Variants in CDH22 observed in about 807,000 individuals in gnomAD.
CDH22 encodes cadherin 22.
In CDH22, 30 loss-of-function variants were observed where a neutral mutation model predicts 58.4. The observed-to-expected ratio is 0.51, with a 90% CI of 0.38 to 0.70. The LOEUF (loss-of-function observed/expected upper bound fraction) is 0.70, where lower values mean the gene tolerates loss of function less well. Ranked by LOEUF, CDH22 falls within the 30% of genes least tolerant of loss-of-function variation. CDH22 has a pLI of 0.00. For missense variants in CDH22, 1,014 were observed against 1,233.9 expected, an observed-to-expected ratio of 0.82 and a Z score of 2.67; for synonymous variants, 513 against 558.2, an observed-to-expected ratio of 0.92 and a Z score of 1.14.
At chr20:46,208,320 G>T (rs979611697) in intron 7 of CDH22, among the ~76,000 whole-genome samples, 6 of 152,046 alleles carry the variant, frequency 3.9e-5, no homozygotes, top group Non-Finnish European at 7.4e-5. Context: ...AATACTTACA[G>T]CTCCCAGACC....
rs188012108 is a variant in CDH22, at chr20:46,253,057, G to C, written c.-399-1364C>G. 2.6e-5 allele frequency among the ~76,000 whole-genome samples: 4 copies of C among 152,334 alleles called. No individual in the cohort carries two copies. The East Asian group carries it at 7.7e-4, about 29-fold the overall frequency. Reference sequence around the variant, plus strand: ...GCAGGGGTGTGTGTTTGGGCAGATGGTGTGTAGTGGGTTGGGGTGGGAGGC... The same window carrying C: ...GCAGGGGTGTGTGTTTGGGCAGATGCTGTGTAGTGGGTTGGGGTGGGAGGC... On this transcript the variant is annotated intron_variant, in intron 1 of 11. Transcript: ENST00000537909.
intron 1 of CDH22, among the ~76,000 whole-genome samples, chr20:46,304,080 C>CATG: frequency 6.6e-6 from 1 of 152,238 alleles, no homozygotes; most frequent in East Asian, 1.9e-4. Flanking sequence ...TCCCACACTG[C>CATG]CGGCTGCATG....
chr20:46,174,976 C>G lies in CDH22; in HGVS notation c.2017G>C (p.Glu673Gln). ...TCGGTGTCCTGCTCGCCGCCGCCTT[C>G]GTCGTTGTATTTGATGACGTTGTCC... The part of the protein sequence containing the change: ...MRDNVIKYND[E>Q]GGGEQDTEAY... The change falls in exon 12 of 12, where the codon GAA becomes CAA. Residue 673 changes from glutamate to glutamine, a missense_variant. Glu to Gln is a conservative substitution (Grantham distance 29, BLOSUM62 2). Coordinates refer to ENST00000537909, the MANE Select transcript of CDH22 (RefSeq NM_021248.3). This position sits in a 1 kb window ranked among gnomAD's most constrained non-coding sequence, Gnocchi z 4.4. 6.2e-7 allele frequency: 1 copy of G among 1,605,768 alleles called. No individual in the cohort carries two copies. The highest frequency in any genetic ancestry group is 8.5e-7 in the Non-Finnish European group (1 of 1,179,446).
At chr20:46,187,160 C>T (rs2085832631) in intron 8 of CDH22, among the ~76,000 whole-genome samples, 1 of 152,006 alleles carries the variant, frequency 6.6e-6, no homozygotes, top group East Asian at 1.9e-4. Flanking sequence ...AACCTTGGCA[C>T]CATTGGCATT....
intron 2 of CDH22, among the ~76,000 whole-genome samples, chr20:46,248,486 C>A (rs1407947815): frequency 6.6e-6 from 1 of 152,138 alleles, no homozygotes; most frequent in Non-Finnish European, 1.5e-5. Context: ...GAAAATCAGG[C>A]TGGGGTTGAC....
rs74176860 is a variant in CDH22, at chr20:46,292,916, TTGTGTGTGTG to T, written c.-400+15329_-400+15338del. The stretch of plus-strand genomic sequence containing the variant: ...CTTCTAGAAGAGCACCAGCCACTGG[TTGTGTGTGTG>T]TGTGTGTGTGTGTGTGTGTGTGTGT... On this transcript the variant is annotated intron_variant, in intron 1 of 11. Coordinates refer to ENST00000537909, the MANE Select transcript of CDH22 (RefSeq NM_021248.3). 4.8e-4 allele frequency among the ~76,000 whole-genome samples: 69 copies of T among 143,922 alleles called. No homozygotes were observed. The East Asian group carries it at 8.8e-3, about 18-fold the overall frequency. The allele number at this position is 143,922 out of a possible 152,430, so 94.4% of individuals were successfully genotyped here.
At chr20:46,221,730 T>C (rs760280159) in intron 4 of CDH22, among the ~76,000 whole-genome samples, 2 of 152,138 alleles carry the variant, frequency 1.3e-5, no homozygotes, top group African/African-American at 4.8e-5. Context: ...CGGGGAGGAA[T>C]TGATAACATA....
At chr20:46,260,279 G>T (rs1331612449) in intron 1 of CDH22, among the ~76,000 whole-genome samples, 1 of 152,152 alleles carries the variant, frequency 6.6e-6, no homozygotes, top group Non-Finnish European at 1.5e-5. Context: ...AGGCCAAAGA[G>T]GCCTACTAAG....
At chr20:46,181,791 C>CTTTCTTTCTTTCTTTA (rs2085790758) in intron 10 of CDH22, among the ~76,000 whole-genome samples, 1 of 126,424 alleles carries the variant, frequency 7.9e-6, no homozygotes, top group Non-Finnish European at 1.6e-5. Flanking sequence ...TTCTTTCTTT[C>CTTTCTTTCTTTCTTTA]TTTTCTCTCT....
At chr20:46,263,759 C>T (rs536450685) in intron 1 of CDH22, among the ~76,000 whole-genome samples, 8 of 152,092 alleles carry the variant, frequency 5.3e-5, no homozygotes, top group South Asian at 2.1e-4. Flanking sequence ...CAGCTGAGGA[C>T]GGGCCTGGAG....
intron 4 of CDH22, among the ~76,000 whole-genome samples, chr20:46,221,280 CT>C (rs67025636): frequency 0.85 from 104,467 of 122,932 alleles, 44,186 homozygotes; most frequent in Middle Eastern, 0.91. Context: ...TTTTTTTTTT[CT>C]TTTTTTTTTT....
chr20:46,174,358 C>G lies in CDH22; in HGVS notation c.*148G>C, dbSNP rs3746822. 1.7e-6 allele frequency: 1 copy of G among 574,446 alleles called. No homozygotes were observed. The highest frequency in any genetic ancestry group is 3.4e-5 in the East Asian group (1 of 29,646). 35.6% of individuals were successfully genotyped at this position (574,446 alleles called of 1,614,324 possible). ...CTAGAGGAGGAGGAATGGAAGAGTC[C>G]GCTCCTAGCAAGTCCCCCCTCCGTC... On this transcript the variant is annotated 3_prime_UTR_variant, in exon 12 of 12. Coordinates refer to ENST00000537909, the MANE Select transcript of CDH22 (RefSeq NM_021248.3). This position sits in a 1 kb window ranked among gnomAD's most constrained non-coding sequence, Gnocchi z 4.4.
chr20:46,189,947 ATTT>A (rs60240148), intron 8 of CDH22, among the ~76,000 whole-genome samples: 10 of 142,750 alleles, frequency 7.0e-5, no homozygotes, highest in Admixed American at 4.9e-4. Context: ...TTGGTCAGTG[ATTT>A]TTTTTTTTTT....
At chr20:46,262,139 C>T (rs2086435843) in intron 1 of CDH22, among the ~76,000 whole-genome samples, 1 of 150,888 alleles carries the variant, frequency 6.6e-6, no homozygotes. Context: ...AGGGCTGTTT[C>T]TGGGGCCTGG....
chr20:46,244,380 G>A (rs2086313614), intron 2 of CDH22, among the ~76,000 whole-genome samples: 1 of 152,184 alleles, frequency 6.6e-6, no homozygotes, highest in African/African-American at 2.4e-5. Flanking sequence ...GCCCAGCTGG[G>A]GTTGCCTGCC....
rs1273793746 is a variant in CDH22 at position 46,174,996 on chromosome 20, T to C, written c.1997A>G (p.Asn666Ser). The change falls in exon 12 of 12, where the codon AAC becomes AGC. Residue 666 changes from asparagine to serine, a missense_variant. Asn to Ser is a conservative substitution (Grantham distance 46). This residue lies in a region of CDH22 where 806 missense variants were observed against 1,038.7 expected (regional missense o/e 0.78). Transcript: ENST00000537909. The surrounding 1 kb of genome is among the most constrained non-coding windows in gnomAD (Gnocchi z 4.4). ...SSDEDEDMRD[N>S]VIKYNDEGGG... ...GCCTTCGTCGTTGTATTTGATGACG[T>C]TGTCCCGCATGTCTTCATCCTCGTC... is the stretch of plus-strand genomic sequence containing the variant. 3.1e-6 allele frequency: 5 copies of C among 1,608,670 alleles called. No homozygotes were observed. Among genetic ancestry groups the C allele is most frequent in the Non-Finnish European group, 3.4e-6 (4 of 1,179,576 alleles).
chr20:46,191,697 C>G (rs147296227), intron 8 of CDH22, among the ~76,000 whole-genome samples: 1 of 152,176 alleles, frequency 6.6e-6, no homozygotes, highest in Non-Finnish European at 1.5e-5. Flanking sequence ...GGACTCGAAC[C>G]TGGGTCTGGT....
Position 46,237,946 on chromosome 20 carries a change from G to T in CDH22, c.550+3017C>A, listed in dbSNP as rs138873932. ...CTCAGTGTTCCCATCTGCTCAATGG[G>T]GATGCTACCATTAGTCCTGCCACCT... On this transcript the variant is annotated intron_variant, in intron 3 of 11. Coordinates refer to ENST00000537909, the MANE Select transcript of CDH22 (RefSeq NM_021248.3). 1.1e-3 allele frequency among the ~76,000 whole-genome samples: 174 copies of T among 152,180 alleles called. 2 individuals carry two copies. The highest frequency in any genetic ancestry group is 4.1e-3 in the African/African-American group (170 of 41,494).
intron 3 of CDH22, among the ~76,000 whole-genome samples, chr20:46,228,300 C>G (rs2086194970): frequency 6.6e-6 from 1 of 152,196 alleles, no homozygotes; most frequent in Non-Finnish European, 1.5e-5. Context: ...CCCTGGTGCC[C>G]TCCTCGCCCC....
Sources: allele counts gnomAD v4.1 joint callset (sites outside exome capture counted in the v4.1 genomes callset), GRCh38; gene constraint gnomAD v4.1.1; regional missense constraint gnomAD v4.1.1; non-coding constraint Gnocchi (gnomAD v3.1); transcripts MANE v1.5; gene names NCBI Gene and HGNC (gene_info 2026-07-23, HGNC 2026-07-21).